The following IL12RB1 variants were observed in gnomAD, a reference collection of about 807,000 sequenced individuals.
IL12RB1 encodes the protein interleukin-12 receptor subunit beta-1.
Under a neutral mutation model 94.4 loss-of-function variants are expected in IL12RB1, and 64 were observed. The observed-to-expected ratio is 0.68, with a 90% CI of 0.55 to 0.83. The LOEUF (loss-of-function observed/expected upper bound fraction) is 0.83, where lower values mean the gene tolerates loss of function less well. Ranked by LOEUF, IL12RB1 falls within the 40% of genes least tolerant of loss-of-function variation. IL12RB1 has a pLI of 0.00. For synonymous variants in IL12RB1, 362 were observed against 355.5 expected, an observed-to-expected ratio of 1.02 and a Z score of -0.21; for missense variants, 814 against 855.6, an observed-to-expected ratio of 0.95 and a Z score of 0.61.
chr19:18,072,826 A>C (rs962876915), intron 8 of IL12RB1, among the ~76,000 whole-genome samples: 2 of 151,800 alleles, frequency 1.3e-5, no homozygotes, highest in Admixed American at 1.3e-4. Context: ...GGGCGCCTGT[A>C]GTCCCAGCTA....
chr19:18,096,680 C>CA (rs111983838), intron 1 of IL12RB1, among the ~76,000 whole-genome samples: 41 of 150,934 alleles, frequency 2.7e-4, no homozygotes, highest in African/African-American at 7.3e-4. Flanking sequence ...ACCAAAAATA[C>CA]AAAAAATCAG....
At chr19:18,088,147 G>A (rs899155249), upstream of IL12RB1, among the ~76,000 whole-genome samples, 25 of 151,948 alleles carry the variant, frequency 1.6e-4, no homozygotes, top group African/African-American at 5.6e-4. Flanking sequence ...CAGTACTTTG[G>A]GAGGCCAAGG....
chr19:18,066,546 C>T lies in IL12RB1; in HGVS notation c.1479G>A (p.Val493=), dbSNP rs750854689. Residue 493 remains valine, a synonymous_variant, in exon 12 of 17, where the codon GTG becomes GTA. Transcript: ENST00000593993. ...VRCRDEDSKQ[V]SEHPVQPTET... ...GGTCTGCACTGCCTCACGTACCTGA[C>T]ACCTGTTTGCTGTCTTCATCTCGGC... 2.2e-5 allele frequency: 36 copies of T among 1,612,162 alleles called. No homozygotes were observed. Among genetic ancestry groups the T allele is most frequent in the Non-Finnish European group, 1.7e-5 (20 of 1,178,626 alleles).
chr19:18,068,464 T>C lies in IL12RB1; in HGVS notation c.1252A>G (p.Ile418Val), dbSNP rs2034760750. ...MGQEKCYYIT[I>V]FASAHPEKLT... ...TTCTCGGGGTGCGCAGAGGCAAAGA[T>C]GGTAATGTAGTAACACTTTTCCTGC... Residue 418 changes from isoleucine to valine, a missense_variant, in exon 11 of 17, where the codon ATC (isoleucine) becomes GTC (valine). Transcript: ENST00000593993. 2.5e-6 allele frequency: 4 copies of C among 1,611,978 alleles called. No individual in the cohort carries two copies. The highest frequency in any genetic ancestry group is 3.4e-6 in the Non-Finnish European group (4 of 1,178,316).
chr19:18,093,331 A>AATATAT (rs574892319), intron 1 of IL12RB1, among the ~76,000 whole-genome samples: 1 of 121,350 alleles, frequency 8.2e-6, no homozygotes, highest in Non-Finnish European at 1.8e-5. Flanking sequence ...AAAAAACACA[A>AATATAT]ATATATATAT....
chr19:18,061,441 G>A (rs17882668), intron 14 of IL12RB1, among the ~76,000 whole-genome samples: 125 of 152,190 alleles, frequency 8.2e-4, no homozygotes, highest in African/African-American at 3.0e-3. Context: ...TGTTGGCCAG[G>A]CTGGTGTCCA....
rs192414339 is a variant in IL12RB1 at position 18,081,145 on chromosome 19, G to C, written c.240-144C>G. ...GAGTTTCATTCTGTCACCCAGGCTG[G>C]AGTGCAGTCGCGCAATCTCGGCTCA... On this transcript the variant is annotated intron_variant, in intron 3 of 16. Coordinates refer to ENST00000593993, the MANE Select transcript of IL12RB1 (RefSeq NM_005535.3). The C allele has an allele frequency of 1.7e-4, 123 of 740,890 alleles. No homozygotes were observed. The African/African-American group carries it at 2.1e-3, about 13-fold the overall frequency. The allele number at this position is 740,890 out of a possible 1,614,324, so 45.9% of individuals were successfully genotyped here. A position where few individuals can be genotyped will look rare whatever the true frequency, so the allele number is the denominator to read the frequency against.
Position 18,083,468 on chromosome 19 carries a change from A to G in IL12RB1, c.88T>C (p.Cys30Arg). 1 of 1,613,934 alleles carries G rather than the reference A, an allele frequency of 6.2e-7. No individual in the cohort carries two copies. Among genetic ancestry groups the G allele is most frequent in the Non-Finnish European group, 8.5e-7 (1 of 1,179,978 alleles). ...TCCGGATATGGCGGGTCCTGAAAAC[A>G]GCACTCACTGGTTCTGCAGGCAGCT... ...QGAACRTSEC[C>R]FQDPPYPDAD... Residue 30 changes from cysteine (C) to arginine (R), a missense_variant, in exon 2 of 17, where the codon TGT becomes CGT. Cys to Arg is a radical substitution (Grantham distance 180). Transcript: ENST00000593993.
At chr19:18,077,336 T>C (rs1191322640) in intron 5 of IL12RB1, among the ~76,000 whole-genome samples, 180 bp downstream of exon 5, 2 of 149,572 alleles carry the variant, frequency 1.3e-5, no homozygotes, top group African/African-American at 4.9e-5. Context: ...CACTCCAGCC[T>C]GGGCGACAGA....
intron 1 of IL12RB1, among the ~76,000 whole-genome samples, chr19:18,086,286 A>G: frequency 6.6e-6 from 1 of 152,004 alleles, no homozygotes; most frequent in Non-Finnish European, 1.5e-5. Flanking sequence ...AGTATACGGA[A>G]GGATGTGCAT....
chr19:18,069,734 C>A (rs145601417), intron 9 of IL12RB1, 21 bp from the exon 10 acceptor site: 11 of 1,580,788 alleles, frequency 7.0e-6, no homozygotes, highest in Non-Finnish European at 9.5e-6. Flanking sequence ...AGGGGAGAGA[C>A]GCATCGAGAC....
chr19:18,075,761 A>C lies in IL12RB1; in HGVS notation c.688T>G (p.Cys230Gly). ...AGAGTGATCTTACCAGGGGGAACGC[A>C]CACGGGGCTGCTCCACTTGCTCCAG... ...SSWSKWSSPV[C>G]VPPENPPQPQ... Residue 230 changes from cysteine to glycine, a missense_variant, in exon 7 of 17, where the codon TGC (cysteine) becomes GGC (glycine). Coordinates refer to ENST00000593993, the MANE Select transcript of IL12RB1 (RefSeq NM_005535.3). 6.2e-7 allele frequency: 1 copy of C among 1,613,182 alleles called. No individual in the cohort carries two copies. Among genetic ancestry groups the C allele is most frequent in the Non-Finnish European group, 8.5e-7 (1 of 1,179,228 alleles).
At chr19:18,059,860 A>G in intron 16 of IL12RB1, 34 bp downstream of exon 16, 1 of 1,242,894 alleles carries the variant, frequency 8.0e-7, no homozygotes, top group Non-Finnish European at 1.2e-6. Context: ...GCAGGGTTGC[A>G]CCCCTGACCG....
In IL12RB1 at chr19:18,061,123, T is replaced by G; in HGVS notation, c.1790A>C (p.Glu597Ala). The G allele has an allele frequency of 6.4e-7, 1 of 1,559,778 alleles. No individual in the cohort carries two copies. The highest frequency in any genetic ancestry group is 8.8e-7 in the Non-Finnish European group (1 of 1,134,940). Residue 597 changes from glutamate (E) to alanine (A), a missense_variant and splice_region_variant, in exon 15 of 17, where the codon GAG becomes GCG. Transcript: ENST00000593993. The part of the protein sequence containing the change: ...SSAIEFPGGK[E>A]TWQWINPVDF... ...TGGAATTAGAAAAGGCATCCTTACC[T>G]CCTTCCCTCCAGGGAACTCAATGGC... is the stretch of plus-strand genomic sequence containing the variant.
At chr19:18,098,407 G>A (rs1401534409) in intron 1 of IL12RB1, among the ~76,000 whole-genome samples, 1 of 152,146 alleles carries the variant, frequency 6.6e-6, no homozygotes, top group African/African-American at 2.4e-5. Context: ...TACGGCACAA[G>A]GCGCTGCCAA....
intron 10 of IL12RB1, among the ~76,000 whole-genome samples, chr19:18,069,232 G>C (rs1053117287): frequency 6.6e-6 from 1 of 152,186 alleles, no homozygotes; most frequent in Non-Finnish European, 1.5e-5. Flanking sequence ...TTTGCCACCA[G>C]CATCTCGCGA....
chr19:18,060,364 A>G (rs17882370), intron 15 of IL12RB1, among the ~76,000 whole-genome samples: 8,767 of 152,156 alleles, frequency 0.058, 349 homozygotes, highest in Admixed American at 0.1. Context: ...CTGTAATCCC[A>G]GCTACTTGGG....
rs34731245 is a variant in IL12RB1 at position 18,068,750 on chromosome 19, C to CT, written c.1190-225dup. On this transcript the variant is annotated intron_variant, in intron 10 of 16. Transcript: ENST00000593993. ...CCCTTACTCCATGGAACCAGGGCTT[C>CT]TTTTTTTTTTTTTTTTGAGATGGAG... Among the ~76,000 whole-genome samples the CT allele has an allele frequency of 3.9e-3, 490 of 126,606 alleles. 2 individuals carry two copies. Among genetic ancestry groups the CT allele is most frequent in the East Asian group, 0.032 (132 of 4,066 alleles). 83.1% of individuals were successfully genotyped at this position (126,606 alleles called of 152,430 possible).
intron 1 of IL12RB1, among the ~76,000 whole-genome samples, chr19:18,095,047 C>G (rs563000218): frequency 6.6e-6 from 1 of 151,758 alleles, no homozygotes; most frequent in African/African-American, 2.4e-5. Flanking sequence ...GGAGTGGTGG[C>G]GGGTGTCTGT....
Sources: allele counts gnomAD v4.1 joint callset (sites outside exome capture counted in the v4.1 genomes callset), GRCh38; gene constraint gnomAD v4.1.1; transcripts MANE v1.5; gene names NCBI Gene and HGNC (gene_info 2026-07-23, HGNC 2026-07-21).